AMPH: variants seen among roughly 807,000 people sequenced by gnomAD.
The protein encoded by AMPH is amphiphysin (Stiff-Mann syndrome with breast cancer 128kD autoantigen).
A neutral mutation model predicts 99.1 loss-of-function variants in AMPH; 49 were observed. That is an observed-to-expected ratio of 0.49 (90% CI 0.39 to 0.63). The LOEUF is 0.63. Ranked by LOEUF, AMPH falls within the 20% of genes least tolerant of loss-of-function variation. The pLI is 0.00. For missense variants in AMPH, 759 were observed against 863.4 expected (o/e 0.88, Z 1.52); for synonymous variants, 314 against 317.3 (o/e 0.99, Z 0.11).
intron 1 of AMPH, among the ~76,000 whole-genome samples, chr7:38,607,076 T>C (rs1382909307): frequency 2.6e-5 from 4 of 152,188 alleles, no homozygotes; most frequent in Non-Finnish European, 4.4e-5. Context: ...TTTTTCATCA[T>C]TACAGTGCCC....
rs1318438923 is a variant in AMPH, at chr7:38,469,535, A to C, written c.591-3287T>G. 3.3e-5 allele frequency among the ~76,000 whole-genome samples: 5 copies of C among 152,248 alleles called. No homozygotes were observed. The East Asian group carries it at 9.6e-4, about 29-fold the overall frequency. On this transcript the variant is annotated intron_variant, in intron 7 of 20. Coordinates refer to ENST00000356264, the MANE Select transcript of AMPH (RefSeq NM_001635.4). ...GAGGAGGCAACCCTTGCTGTCCTTC[A>C]CTTACTATGGAGATGGAGTATGAGG...
At position 38,441,336 on chromosome 7, in the gene AMPH, C is replaced by T. The variant is rs553163795; in HGVS notation, c.1018-4948G>A. 2.6e-5 allele frequency among the ~76,000 whole-genome samples: 4 copies of T among 152,104 alleles called. No individual in the cohort carries two copies. The South Asian group carries it at 8.3e-4, about 32-fold the overall frequency. On this transcript the variant is annotated intron_variant, in intron 11 of 20. Transcript: ENST00000356264. ...AAAGAACAAATGGAGAGAAAATAAG[C>T]AATGGTATAAAAGATTTAGATAACA...
chr7:38,493,234 C>T (rs575983386), intron 4 of AMPH, among the ~76,000 whole-genome samples: 1 of 152,270 alleles, frequency 6.6e-6, no homozygotes, highest in African/African-American at 2.4e-5. Context: ...TGAGCTCTGG[C>T]TGCCACATCA....
chr7:38,614,033 C>T (rs1030919477), intron 1 of AMPH, among the ~76,000 whole-genome samples: 8 of 152,166 alleles, frequency 5.3e-5, no homozygotes, highest in African/African-American at 9.6e-5. Flanking sequence ...ATCCAAAGAC[C>T]GGGAAAGGGA....
chr7:38,569,159 A>C (rs1031332788), intron 1 of AMPH, among the ~76,000 whole-genome samples: 2 of 152,142 alleles, frequency 1.3e-5, no homozygotes, highest in Non-Finnish European at 2.9e-5. Flanking sequence ...TATAACCTGC[A>C]TCATATGAAA....
chr7:38,515,089 A>G (rs1189781018), intron 2 of AMPH, among the ~76,000 whole-genome samples: 1 of 152,204 alleles, frequency 6.6e-6, no homozygotes, highest in African/African-American at 2.4e-5. Flanking sequence ...TGGACAGTAA[A>G]GGCCATTCTG....
intron 2 of AMPH, among the ~76,000 whole-genome samples, chr7:38,508,268 C>A (rs954459891): frequency 6.6e-6 from 1 of 151,966 alleles, no homozygotes. Context: ...CACTATGGCC[C>A]CAAATGCACA....
chr7:38,410,077 CT>C (rs1209655124), intron 17 of AMPH, among the ~76,000 whole-genome samples: 11 of 152,204 alleles, frequency 7.2e-5, no homozygotes, highest in Non-Finnish European at 1.3e-4. Context: ...AAAGAGATTG[CT>C]TAAGGAAGAC....
intron 20 of AMPH, among the ~76,000 whole-genome samples, chr7:38,388,008 G>A (rs900460334): frequency 6.6e-6 from 1 of 152,026 alleles, no homozygotes; most frequent in East Asian, 1.9e-4. Flanking sequence ...CTACCTTAGT[G>A]AAAGTATTGT....
intron 17 of AMPH, among the ~76,000 whole-genome samples, chr7:38,413,529 G>T (rs924274301): frequency 7.2e-5 from 11 of 152,114 alleles, no homozygotes; most frequent in African/African-American, 2.7e-4. Context: ...CTGTGTGCTT[G>T]GTATCATGAA....
chr7:38,423,495 T>C (rs1420281519), intron 15 of AMPH, among the ~76,000 whole-genome samples: 4 of 152,220 alleles, frequency 2.6e-5, no homozygotes, highest in Non-Finnish European at 5.9e-5. Flanking sequence ...TTTGAACACA[T>C]GCAGTTGCCT....
chr7:38,593,397 C>T (rs1425278559), intron 1 of AMPH, among the ~76,000 whole-genome samples: 1 of 152,158 alleles, frequency 6.6e-6, no homozygotes, highest in Non-Finnish European at 1.5e-5. Context: ...ACCAAATGTA[C>T]GTTTCAAGGG....
chr7:38,534,863 A>T, intron 2 of AMPH, 68 bp downstream of exon 2: 1 of 1,348,864 alleles, frequency 7.4e-7, no homozygotes, highest in Non-Finnish European at 1.1e-6. Flanking sequence ...AATGCATTTT[A>T]CTTACATACT....
At chr7:38,544,792 T>C (rs924503192) in intron 1 of AMPH, among the ~76,000 whole-genome samples, 8 of 152,216 alleles carry the variant, frequency 5.3e-5, no homozygotes, top group African/African-American at 1.9e-4. Flanking sequence ...TAGCTTGATC[T>C]GAAAAGTGTT....
intron 11 of AMPH, among the ~76,000 whole-genome samples, chr7:38,458,333 A>G (rs1787310061): frequency 6.6e-6 from 1 of 152,214 alleles, no homozygotes; most frequent in Non-Finnish European, 1.5e-5. Flanking sequence ...ACTGAAGAGG[A>G]AAGAACTCTC....
intron 16 of AMPH, among the ~76,000 whole-genome samples, chr7:38,421,895 G>A (rs181757829): frequency 1.1e-4 from 16 of 152,210 alleles, no homozygotes; most frequent in Admixed American, 4.6e-4. Flanking sequence ...CTTCTCTAAC[G>A]CCAGGAGTAA....
chr7:38,439,599 C>T (rs550436236), intron 11 of AMPH, among the ~76,000 whole-genome samples: 1 of 152,306 alleles, frequency 6.6e-6, no homozygotes, highest in East Asian at 1.9e-4. Context: ...ACCTTCATCA[C>T]AATTAGAGTA....
intron 17 of AMPH, among the ~76,000 whole-genome samples, chr7:38,407,335 A>ATCTCTC (rs70975099): frequency 0.21 from 29,916 of 140,380 alleles, 3,523 homozygotes; most frequent in East Asian, 0.41. Flanking sequence ...ATTAGGGAAA[A>ATCTCTC]TCTCTCTCTC....
At chr7:38,539,469 T>A (rs1342542189) in intron 1 of AMPH, among the ~76,000 whole-genome samples, 1 of 151,820 alleles carries the variant, frequency 6.6e-6, no homozygotes, top group Non-Finnish European at 1.5e-5. Flanking sequence ...GTAAGAAAAG[T>A]TTCAAAGGGG....
Sources: allele counts gnomAD v4.1 joint callset (sites outside exome capture counted in the v4.1 genomes callset), GRCh38; gene constraint gnomAD v4.1.1; transcripts MANE v1.5; gene names NCBI Gene and HGNC (gene_info 2026-07-23, HGNC 2026-07-21).